Variants in KCNH5 observed in about 807,000 individuals in gnomAD.
KCNH5 encodes the protein voltage-gated delayed rectifier potassium channel KCNH5.
A neutral mutation model predicts 96.1 loss-of-function variants in KCNH5; 46 were observed. The observed-to-expected ratio is 0.48, with a 90% CI of 0.38 to 0.61. The LOEUF (loss-of-function observed/expected upper bound fraction) is 0.61. KCNH5 is among the 20% of genes least tolerant of loss of function. The pLI is 0.00. For synonymous variants in KCNH5, 439 were observed against 449.8 expected (o/e 0.98, Z 0.30); for missense variants, 907 against 1,225.8 (o/e 0.74, Z 3.88).
chr14:62,755,305 A>G (rs1380291274), intron 10 of KCNH5, among the ~76,000 whole-genome samples: 1 of 152,170 alleles, frequency 6.6e-6, no homozygotes, highest in African/African-American at 2.4e-5. Context: ...ACTGAGAACA[A>G]CTACATACCA....
chr14:62,821,418 T>C lies in KCNH5; in HGVS notation c.1570-18837A>G, dbSNP rs567437555. Among the ~76,000 whole-genome samples the C allele has an allele frequency of 2.0e-5, 3 of 152,280 alleles. 1 individual carries two copies. The South Asian group carries it at 6.2e-4, about 32-fold the overall frequency. On this transcript the variant is annotated intron_variant, in intron 8 of 10. Transcript: ENST00000322893. ...AATTAGCAAACTTTTCTTATTTGCA[T>C]GAGCCCATTTTGTAAACACAGGGGA...
chr14:62,977,812 T>G (rs558472972), intron 6 of KCNH5, among the ~76,000 whole-genome samples: 1 of 152,164 alleles, frequency 6.6e-6, no homozygotes, highest in South Asian at 2.1e-4. Flanking sequence ...TTTACTGAGG[T>G]AAATGCCTGG....
At position 62,843,689 on chromosome 14, in the gene KCNH5, C is replaced by T. The variant is rs566158464; in HGVS notation, c.1569+5964G>A. On this transcript the variant is annotated intron_variant, in intron 8 of 10. Coordinates refer to ENST00000322893, the MANE Select transcript of KCNH5 (RefSeq NM_139318.5). ...CCTCCCAAAGTGCTGGGATTACAGG[C>T]GTGAGCCACTGAGCCCGGCCCCTAC... is the stretch of plus-strand genomic sequence containing the variant. 3.3e-5 allele frequency among the ~76,000 whole-genome samples: 5 copies of T among 152,166 alleles called. No homozygotes were observed. In the East Asian group the frequency reaches 5.8e-4, roughly 18 times the overall value.
At chr14:63,030,305 G>T (rs1360043096) in intron 1 of KCNH5, among the ~76,000 whole-genome samples, 6 of 152,176 alleles carry the variant, frequency 3.9e-5, no homozygotes, top group African/African-American at 1.4e-4. Flanking sequence ...CCACCAGGAG[G>T]CAAGGATTTC....
At chr14:63,027,597 T>C (rs1041062188) in intron 1 of KCNH5, among the ~76,000 whole-genome samples, 5 of 134,560 alleles carry the variant, frequency 3.7e-5, no homozygotes, top group Non-Finnish European at 7.9e-5. Flanking sequence ...TTGATTAAAA[T>C]GTAGATATTT....
chr14:62,799,806 A>G (rs972691016), intron 9 of KCNH5, among the ~76,000 whole-genome samples: 1 of 135,384 alleles, frequency 7.4e-6, no homozygotes, highest in African/African-American at 2.7e-5. Flanking sequence ...TTATATATTT[A>G]ATATTTAATA....
intron 7 of KCNH5, among the ~76,000 whole-genome samples, chr14:62,897,486 A>T (rs1888837145): frequency 1.3e-5 from 2 of 152,180 alleles, no homozygotes; most frequent in Admixed American, 1.3e-4. Flanking sequence ...CTCAACCCAC[A>T]CAGAAGAAAG....
At chr14:63,026,884 C>A (rs2139618810) in intron 1 of KCNH5, among the ~76,000 whole-genome samples, 1 of 152,120 alleles carries the variant, frequency 6.6e-6, no homozygotes, top group Non-Finnish European at 1.5e-5. Flanking sequence ...ATCAGCATGT[C>A]AAAGAGCTAT....
intron 7 of KCNH5, among the ~76,000 whole-genome samples, chr14:62,865,660 G>A (rs1429638909): frequency 6.6e-6 from 1 of 152,170 alleles, no homozygotes; most frequent in East Asian, 1.9e-4. Context: ...CTTCCTTTAT[G>A]TTGACTGGTT....
intron 8 of KCNH5, among the ~76,000 whole-genome samples, chr14:62,817,761 ATTCC>A: frequency 6.8e-6 from 1 of 146,506 alleles, no homozygotes; most frequent in African/African-American, 2.5e-5. Context: ...AATATATTAT[ATTCC>A]TATATATTCT....
intron 1 of KCNH5, among the ~76,000 whole-genome samples, chr14:63,033,175 A>C (rs531342684): frequency 6.6e-6 from 1 of 152,298 alleles, no homozygotes; most frequent in South Asian, 2.1e-4. Context: ...CCTTTACGGA[A>C]GTAGCTTTTG....
At chr14:62,924,723 A>G (rs1889440939) in intron 7 of KCNH5, among the ~76,000 whole-genome samples, 1 of 152,016 alleles carries the variant, frequency 6.6e-6, no homozygotes, top group African/African-American at 2.4e-5. Context: ...GCACAGAAAG[A>G]CAATGCATGA....
chr14:63,014,659 A>T (rs1308830943), intron 2 of KCNH5, among the ~76,000 whole-genome samples: 1 of 152,158 alleles, frequency 6.6e-6, no homozygotes, highest in African/African-American at 2.4e-5. Context: ...CAATAAAGCA[A>T]TAAGAATAAA....
intron 10 of KCNH5, among the ~76,000 whole-genome samples, chr14:62,751,978 T>C (rs4902184): frequency 1 from 152,217 of 152,300 alleles, 76,067 homozygotes; most frequent in Middle Eastern, 1. Flanking sequence ...GCCCTTGAAA[T>C]AAAGCTGGAT....
chr14:62,712,879 C>T (rs891856604), intron 10 of KCNH5, among the ~76,000 whole-genome samples: 1 of 152,154 alleles, frequency 6.6e-6, no homozygotes, highest in Non-Finnish European at 1.5e-5. Flanking sequence ...AGCTTCTGGT[C>T]CCCTTCAAGG....
At chr14:62,874,949 C>T (rs1414478646) in intron 7 of KCNH5, among the ~76,000 whole-genome samples, 5 of 143,856 alleles carry the variant, frequency 3.5e-5, no homozygotes, top group Non-Finnish European at 7.6e-5. Flanking sequence ...ACCCCATCGT[C>T]TCAGCCCAAA....
intron 10 of KCNH5, among the ~76,000 whole-genome samples, chr14:62,753,910 CT>C (rs1885560146): frequency 6.6e-6 from 1 of 152,094 alleles, no homozygotes; most frequent in Non-Finnish European, 1.5e-5. Context: ...AGGTACAAAA[CT>C]TACTAGTAAT....
At chr14:62,755,994 C>G (rs544123070) in intron 10 of KCNH5, among the ~76,000 whole-genome samples, 38 of 151,814 alleles carry the variant, frequency 2.5e-4, no homozygotes, top group Non-Finnish European at 4.7e-4. Context: ...AGATCCACAG[C>G]TAGTACTATA....
chr14:62,788,471 T>C (rs1886365516), intron 9 of KCNH5, among the ~76,000 whole-genome samples: 1 of 152,142 alleles, frequency 6.6e-6, no homozygotes, highest in South Asian at 2.1e-4. Context: ...TTATACTAGT[T>C]CATAAACTCA....
Sources: gnomAD v4.1 joint callset for allele counts (sites outside exome capture counted in the v4.1 genomes callset) on GRCh38, gnomAD v4.1.1 for gene constraint, MANE v1.5 for transcripts, NCBI Gene and HGNC (gene_info 2026-07-23, HGNC 2026-07-21) for gene names.